The following UPF2 variants were observed in gnomAD, a reference collection of about 807,000 sequenced individuals.
UPF2 encodes UPF2 regulator of nonsense mediated mRNA decay.
Under a neutral mutation model 141.4 loss-of-function variants are expected in UPF2, and 17 were observed. The observed-to-expected ratio is 0.12, with a 90% CI of 0.08 to 0.18. The LOEUF (loss-of-function observed/expected upper bound fraction) is 0.18, where lower values mean the gene tolerates loss of function less well. Among genes scored for constraint, UPF2 ranks in the 10% least tolerant of loss-of-function variants. UPF2 has a pLI of 1.00. For synonymous variants in UPF2, 540 were observed against 498.0 expected, an observed-to-expected ratio of 1.08 and a Z score of -1.12; for missense variants, 1,152 against 1,515.9, an observed-to-expected ratio of 0.76 and a Z score of 3.99.
Position 12,019,067 on chromosome 10 carries a change from TCA to T in UPF2, c.1146-4885_1146-4884del, listed in dbSNP as rs1834272986. ...AAATCAAGCTGAAAATATGATTTCA[TCA>T]CATATTTTAATTATTGCCTTTTTAG... On this transcript the variant is annotated intron_variant, in intron 3 of 21. Transcript: ENST00000357604. The surrounding 1 kb of genome is among the most constrained non-coding windows in gnomAD (Gnocchi z 4.5). 6.6e-6 allele frequency among the ~76,000 whole-genome samples: 1 copy of T among 152,206 alleles called. No individual in the cohort carries two copies. The highest frequency in any genetic ancestry group is 2.4e-5 in the African/African-American group (1 of 41,448).
chr10:12,029,660 A>G, intron 2 of UPF2, 136 bp from the exon 3 acceptor site: 5 of 990,142 alleles, frequency 5.0e-6, no homozygotes, highest in Non-Finnish European at 7.1e-6. Flanking sequence ...GCCTTTCACT[A>G]CTTTTAAAGA....
At chr10:12,032,899 GAGGA>G (rs1240675708) in intron 2 of UPF2, among the ~76,000 whole-genome samples, 1 of 151,280 alleles carries the variant, frequency 6.6e-6, no homozygotes, top group Middle Eastern at 3.4e-3. Context: ...CAGGAGGCAG[GAGGA>G]ATCACTTGAG....
chr10:12,022,191 T>C (rs779513329), intron 3 of UPF2, among the ~76,000 whole-genome samples: 1 of 149,994 alleles, frequency 6.7e-6, no homozygotes, highest in African/African-American at 2.5e-5. Context: ...GAGGGCAGAT[T>C]GTGTGAGCTC....
At chr10:11,973,164 T>C (rs1036620555) in intron 9 of UPF2, among the ~76,000 whole-genome samples, 13 of 152,350 alleles carry the variant, frequency 8.5e-5, no homozygotes, top group African/African-American at 3.1e-4. Context: ...ATGTGTCTGT[T>C]GGCTGCATAA....
intron 1 of UPF2, among the ~76,000 whole-genome samples, chr10:12,036,761 C>A (rs1398943139): frequency 6.6e-6 from 1 of 152,228 alleles, no homozygotes; most frequent in African/African-American, 2.4e-5. Flanking sequence ...CACAGTGGCT[C>A]ATGCCTATAA....
chr10:12,004,495 G>C, intron 5 of UPF2, 35 bp downstream of exon 5: 5 of 1,507,074 alleles, frequency 3.3e-6, no homozygotes, highest in Non-Finnish European at 4.5e-6. Flanking sequence ...AATTCTTATA[G>C]CACTTAATGT....
chr10:11,958,556 T>C (rs1833191277), intron 12 of UPF2, among the ~76,000 whole-genome samples: 1 of 152,178 alleles, frequency 6.6e-6, no homozygotes, highest in South Asian at 2.1e-4. Context: ...TCACCTTCCA[T>C]CCTAAAAGGA....
At chr10:12,020,599 G>A (rs1330600678) in intron 3 of UPF2, among the ~76,000 whole-genome samples, 1 of 152,156 alleles carries the variant, frequency 6.6e-6, no homozygotes, top group Non-Finnish European at 1.5e-5. Flanking sequence ...TTTCAGAAAG[G>A]TCAGGCAGGC....
At chr10:11,993,505 CAA>C (rs1833815698) in intron 8 of UPF2, among the ~76,000 whole-genome samples, 1 of 149,264 alleles carries the variant, frequency 6.7e-6, no homozygotes, top group South Asian at 2.1e-4. Flanking sequence ...TAATTAGAGA[CAA>C]AGTAAACTTC....
At position 11,980,801 on chromosome 10, in the gene UPF2, G is replaced by A. The variant is rs1833579120; in HGVS notation, c.1845-1636C>T. 6.6e-6 allele frequency among the ~76,000 whole-genome samples: 1 copy of A among 151,900 alleles called. No homozygotes were observed. The highest frequency in any genetic ancestry group is 6.6e-5 in the Admixed American group (1 of 15,264). Reference sequence around the variant, plus strand: ...ATATATGAAAATGTTTGATGGTCAGGGAAAAAAACACATAATTCGATCTGG... The same window carrying A: ...ATATATGAAAATGTTTGATGGTCAGAGAAAAAAACACATAATTCGATCTGG... On this transcript the variant is annotated intron_variant, in intron 8 of 21. Coordinates refer to ENST00000357604, the MANE Select transcript of UPF2 (RefSeq NM_015542.4). This position sits in a 1 kb window ranked among gnomAD's most constrained non-coding sequence, Gnocchi z 4.2.
chr10:11,977,193 A>G (rs980827538), intron 9 of UPF2, among the ~76,000 whole-genome samples: 89 of 152,174 alleles, frequency 5.8e-4, no homozygotes, highest in African/African-American at 2.1e-3. Flanking sequence ...AAGGAAATGA[A>G]ATAGTTGCAG....
intron 8 of UPF2, among the ~76,000 whole-genome samples, chr10:11,995,827 T>C (rs1371027269): frequency 6.6e-6 from 1 of 152,148 alleles, no homozygotes; most frequent in Non-Finnish European, 1.5e-5. Context: ...TGACCTTTCC[T>C]GTCTCTGACT....
At chr10:12,022,554 C>G (rs922139998) in intron 3 of UPF2, among the ~76,000 whole-genome samples, 3 of 152,126 alleles carry the variant, frequency 2.0e-5, no homozygotes, top group Non-Finnish European at 4.4e-5. Context: ...ACTACTACTA[C>G]AGCAAAGTCA....
chr10:12,013,893 C>T lies in UPF2; in HGVS notation c.1306+131G>A, dbSNP rs1020161175. On this transcript the variant is annotated intron_variant, in intron 4 of 21. Transcript: ENST00000357604. The stretch of plus-strand genomic sequence containing the variant: ...GAGGTTACAGGCATGAGCCACCATG[C>T]TTGGCCCATTTTGAAAATGTTGACG... The T allele has an allele frequency of 4.3e-6, 4 of 928,158 alleles. 1 individual carries two copies. The highest frequency in any genetic ancestry group is 5.8e-6 in the Non-Finnish European group (4 of 688,250). The allele number at this position is 928,158 out of a possible 1,614,324, so 57.5% of individuals were successfully genotyped here.
chr10:11,989,693 T>C (rs1387934124), intron 8 of UPF2, among the ~76,000 whole-genome samples: 1 of 152,234 alleles, frequency 6.6e-6, no homozygotes, highest in Admixed American at 6.5e-5. Context: ...CTACATTTTC[T>C]AAATGCTCTT....
chr10:12,029,202 G>T lies in UPF2; in HGVS notation c.688C>A (p.His230Asn). 1.2e-6 allele frequency: 2 copies of T among 1,614,192 alleles called. No individual in the cohort carries two copies. The highest frequency in any genetic ancestry group is 1.7e-6 in the Non-Finnish European group (2 of 1,180,034). ...GGGGCAAAGTCAGCATAACGCTGGT[G>T]AAAGAGAGAGCAGAGGTGCACAGCA... The part of the protein sequence containing the change: ...NCAVHLCSLF[H>N]QRYADFAPSL... The change falls in exon 3 of 22, where the codon CAC (histidine) becomes AAC (asparagine). Residue 230 changes from histidine to asparagine, a missense_variant. Coordinates refer to ENST00000357604, the MANE Select transcript of UPF2 (RefSeq NM_015542.4).
chr10:12,037,402 CTTT>C (rs59226793), intron 1 of UPF2, among the ~76,000 whole-genome samples: 23 of 122,270 alleles, frequency 1.9e-4, no homozygotes, highest in African/African-American at 6.5e-4. Flanking sequence ...TTTTGTTTTT[CTTT>C]TTTTTTTTTT....
At chr10:12,028,679 CT>C in intron 3 of UPF2, 65 bp downstream of exon 3, 2 of 1,491,440 alleles carry the variant, frequency 1.3e-6, no homozygotes, top group South Asian at 2.8e-5. Flanking sequence ...GGCATGAAGA[CT>C]TTAAACATTT....
At position 11,936,397 on chromosome 10, in the gene UPF2, C is replaced by A. The variant is rs60508292; in HGVS notation, c.3546+148G>T. On this transcript the variant is annotated intron_variant, in intron 19 of 21. Transcript: ENST00000357604. The surrounding 1 kb of genome is among the most constrained non-coding windows in gnomAD (Gnocchi z 6.6). ...ACAAAAACAAAAACAAAAACAAAAACAAAAAAAACTATATAAGGGAAGAAA... is the reference window on the plus strand; with the variant it reads ...ACAAAAACAAAAACAAAAACAAAAAAAAAAAAAACTATATAAGGGAAGAAA... 1.5e-3 allele frequency: 1,320 copies of A among 859,236 alleles called. 11 individuals carry two copies. In the African/African-American group the frequency reaches 0.02, roughly 13 times the overall value. The allele number at this position is 859,236 out of a possible 1,614,324, so 53.2% of individuals were successfully genotyped here. A position where few individuals can be genotyped will look rare whatever the true frequency, so the allele number is the denominator to read the frequency against.
Sources: gnomAD v4.1 joint callset for allele counts (sites outside exome capture counted in the v4.1 genomes callset) on GRCh38, gnomAD v4.1.1 for gene constraint, Gnocchi (gnomAD v3.1) non-coding constraint, MANE v1.5 for transcripts, NCBI Gene and HGNC (gene_info 2026-07-23, HGNC 2026-07-21) for gene names.